Variants in HLA-DQA1 observed in about 807,000 individuals in gnomAD.
HLA-DQA1 encodes major histocompatibility complex, class II, DQ alpha 1.
HLA-DQA1 carries 10 observed loss-of-function variants against 20.7 expected under a neutral mutation model. The ratio of observed to expected loss-of-function variants is 0.48; its 90% CI spans 0.30 to 0.82. HLA-DQA1 has a LOEUF of 0.82. HLA-DQA1 is among the 40% of genes least tolerant of loss of function. The probability of loss-of-function intolerance (pLI) is 0.07; values close to 1 mark genes in which losing one functional copy is unlikely to be tolerated. For missense variants in HLA-DQA1, 127 were observed against 293.0 expected, an observed-to-expected ratio of 0.43 and a Z score of 4.14; for synonymous variants, 39 against 109.2, an observed-to-expected ratio of 0.36 and a Z score of 4.01.
At chr6:32,637,878 G>A (rs9272465) in intron 1 of HLA-DQA1, among the ~76,000 whole-genome samples, 1,634 of 100,360 alleles carry the variant, frequency 0.016, 35 homozygotes, top group Middle Eastern at 0.079. Flanking sequence ...TTTATGAAGT[G>A]TCATTCTCAA....
chr6:32,645,918 A>C (rs955024781), downstream of HLA-DQA1: 6 of 114,768 alleles, frequency 5.2e-5, 3 homozygotes, highest in Non-Finnish European at 1.2e-4. Context: ...ACTGAATGGC[A>C]TAATGACCAG....
In HLA-DQA1 at chr6:32,641,535, A is replaced by G. The variant is rs1129808; in HGVS notation, c.308A>G (p.Tyr103Cys). 10 of 991,810 alleles carry G rather than the reference A, an allele frequency of 1.0e-5. 4 individuals carry two copies. In the African/African-American group the frequency reaches 2.0e-4, roughly 20 times the overall value. 61.4% of individuals were successfully genotyped at this position (991,810 alleles called of 1,614,324 possible). A position where few individuals can be genotyped will look rare whatever the true frequency, so the allele number is the denominator to read the frequency against. ...KHNLNIMIKR[Y>C]NSTAATNEVP... is the part of the protein sequence containing the mutation. Reference sequence around the variant, plus strand: ...AACTTGAACATCATGATTAAACGCTACAACTCTACCGCTGCTACCAATGGT... The same window carrying G: ...AACTTGAACATCATGATTAAACGCTGCAACTCTACCGCTGCTACCAATGGT... The change falls in exon 2 of 5, where the codon TAC becomes TGC. Residue 103 changes from tyrosine to cysteine, a missense_variant. Transcript: ENST00000343139.
chr6:32,641,484 T>C lies in HLA-DQA1; in HGVS notation c.257T>C (p.Leu86Pro), dbSNP rs771830448. The C allele has an allele frequency of 4.0e-6, 4 of 1,002,624 alleles. 1 individual carries two copies. The Admixed American group carries it at 1.6e-4, about 40-fold the overall frequency. The allele number at this position is 1,002,624 out of a possible 1,614,324, so 62.1% of individuals were successfully genotyped here. ...KFGGFDPQGA[L>P]RNMAVAKHNL... ...GGAGGTTTTGACCCGCAGGGTGCAC[T>C]GAGAAACATGGCTGTGGCAAAACAC... Residue 86 changes from leucine (L) to proline (P), a missense_variant, in exon 2 of 5, where the codon CTG (leucine) becomes CCG (proline). Leu to Pro is a moderately conservative substitution (Grantham distance 98). Coordinates refer to ENST00000343139, the MANE Select transcript of HLA-DQA1 (RefSeq NM_002122.5).
intron 2 of HLA-DQA1, 21 bp from the exon 3 acceptor site, chr6:32,641,951 A>G (rs749266030): frequency 4.2e-6 from 6 of 1,437,668 alleles, no homozygotes; most frequent in Non-Finnish European, 3.8e-6. Context: ...ACTTCACACC[A>G]GTGCTGTTTC....
intron 1 of HLA-DQA1, among the ~76,000 whole-genome samples, chr6:32,640,095 A>G (rs28383399): frequency 2.0e-4 from 20 of 98,520 alleles, no homozygotes; most frequent in South Asian, 3.2e-4. Flanking sequence ...TTTCAGGGAG[A>G]AAAACAACAG....
At chr6:32,654,001 A>G in the HLA-DQA1 span, among the ~76,000 whole-genome samples, 18,726 of 80,802 alleles carry the variant, frequency 0.23, 4,402 homozygotes, top group Middle Eastern at 0.35. Flanking sequence ...GGAATGAGAA[A>G]ATGTTGGTCA....
chr6:32,637,430 C>G lies in HLA-DQA1; in HGVS notation c.-29C>G, dbSNP rs3187964. On this transcript the variant is annotated 5_prime_UTR_variant, in exon 1 of 5. Coordinates refer to ENST00000343139, the MANE Select transcript of HLA-DQA1 (RefSeq NM_002122.5). ...CACAATTACTCTACAGCTCAGAACA[C>G]CAACTGCTGAGGCTGCCTTGGGAAG... The G allele has an allele frequency of 0.2, 165,370 of 823,112 alleles. 46,482 individuals carry two copies. Among genetic ancestry groups the G allele is most frequent in the Admixed American group, 0.37 (10,147 of 27,226 alleles). The allele number at this position is 823,112 out of a possible 1,614,324, so 51.0% of individuals were successfully genotyped here. A position where few individuals can be genotyped will look rare whatever the true frequency, so the allele number is the denominator to read the frequency against.
At chr6:32,643,908 A>G (rs2150975173), downstream of HLA-DQA1, 1 of 149,388 alleles carries the variant, frequency 6.7e-6, no homozygotes, top group Non-Finnish European at 1.5e-5. Context: ...AGGAGCCCTG[A>G]ATAGAGGCGC....
downstream of HLA-DQA1, among the ~76,000 whole-genome samples, chr6:32,650,924 C>T (rs1278091049): frequency 3.9e-4 from 30 of 77,728 alleles, 7 homozygotes; most frequent in African/African-American, 1.3e-3. Flanking sequence ...GACAGAGTCT[C>T]GCTTTGTTGC....
At chr6:32,653,134 G>A in the HLA-DQA1 span, among the ~76,000 whole-genome samples, 392 of 123,412 alleles carry the variant, frequency 3.2e-3, 29 homozygotes, top group African/African-American at 9.9e-3. Context: ...TCCCAGCAAT[G>A]AGAGAATAAA....
downstream of HLA-DQA1, among the ~76,000 whole-genome samples, chr6:32,651,588 C>CAAAAAAA (rs70996710): frequency 1.4e-3 from 21 of 15,264 alleles, 1 homozygote; most frequent in South Asian, 9.2e-3. Context: ...CGTCTCAAAG[C>CAAAAAAA]AAAAAAAAAA....
At chr6:32,651,334 C>T (rs1425139648), downstream of HLA-DQA1, among the ~76,000 whole-genome samples, 1 of 79,322 alleles carries the variant, frequency 1.3e-5, no homozygotes, top group Non-Finnish European at 2.8e-5. Flanking sequence ...CCTGTAATCC[C>T]AGCACTTTGG....
downstream of HLA-DQA1, among the ~76,000 whole-genome samples, chr6:32,647,920 T>C (rs1398810537): frequency 2.0e-5 from 3 of 152,136 alleles, no homozygotes; most frequent in African/African-American, 4.8e-5. Flanking sequence ...ATTGTCTTCA[T>C]AGAAATTACA....
chr6:32,642,753 G>A lies in HLA-DQA1; in HGVS notation c.757G>A (p.Gly253Arg), dbSNP rs981568847. The A allele has an allele frequency of 1.7e-6, 2 of 1,158,978 alleles. No homozygotes were observed. The highest frequency in any genetic ancestry group is 2.4e-6 in the Non-Finnish European group (2 of 821,330). 71.8% of individuals were successfully genotyped at this position (1,158,978 alleles called of 1,614,324 possible). A position where few individuals can be genotyped will look rare whatever the true frequency, so the allele number is the denominator to read the frequency against. Residue 253 changes from glycine to arginine, a missense_variant, in exon 4 of 5, where the codon GGG (glycine) becomes AGG (arginine). Coordinates refer to ENST00000343139, the MANE Select transcript of HLA-DQA1 (RefSeq NM_002122.5). ...TTCAGTTGGTGCTTCCAGACACCAA[G>A]GGCCATTGTGAATCCCATCCTGGAA... The part of the protein sequence containing the change: ...LRSVGASRHQ[G>R]PL
chr6:32,643,345 T>C lies in HLA-DQA1; in HGVS notation c.*414T>C, dbSNP rs62404112. 0.13 allele frequency: 37,429 copies of C among 283,692 alleles called. 10,046 individuals carry two copies. Among genetic ancestry groups the C allele is most frequent in the South Asian group, 0.33 (10,932 of 33,324 alleles). 17.6% of individuals were successfully genotyped at this position (283,692 alleles called of 1,614,324 possible). A position where few individuals can be genotyped will look rare whatever the true frequency, so the allele number is the denominator to read the frequency against. The stretch of plus-strand genomic sequence containing the variant: ...GGGGTACTCTTATGTTTCAATCCAA[T>C]TTAACCTCATTTCCCAGATCATTTT... On this transcript the variant is annotated 3_prime_UTR_variant, in exon 5 of 5. Coordinates refer to ENST00000343139, the MANE Select transcript of HLA-DQA1 (RefSeq NM_002122.5).
rs1047993 is a variant in HLA-DQA1 at position 32,637,494 on chromosome 6, C to G, written c.36C>G (p.Leu12=). Reference sequence around the variant, plus strand: ...ACAAAGCTCTGCTGCTGGGGGCCCTCGCTCTGACCACCGTGATGAGCCCCT... The same window carrying G: ...ACAAAGCTCTGCTGCTGGGGGCCCTGGCTCTGACCACCGTGATGAGCCCCT... ...ILNKALLLGA[L]ALTTVMSPCG... Residue 12 remains leucine (L), a synonymous_variant, in exon 1 of 5, where the codon CTC becomes CTG. Coordinates refer to ENST00000343139, the MANE Select transcript of HLA-DQA1 (RefSeq NM_002122.5). The G allele has an allele frequency of 1.6e-5, 18 of 1,137,092 alleles. 4 individuals carry two copies. In the East Asian group the frequency reaches 2.5e-4, roughly 16 times the overall value. The allele number at this position is 1,137,092 out of a possible 1,614,324, so 70.4% of individuals were successfully genotyped here.
chr6:32,641,861 C>G, intron 2 of HLA-DQA1, 111 bp from the exon 3 acceptor site: 1 of 699,800 alleles, frequency 1.4e-6, no homozygotes, highest in South Asian at 1.7e-5. Flanking sequence ...AATAAGACCT[C>G]TTTGACTATC....
At position 32,638,255 on chromosome 6, in the gene HLA-DQA1, C is replaced by G. The variant is rs925788621; in HGVS notation, c.82+715C>G. ...ATAGCTTCACATTTCTTTTCTTTAG[C>G]AAAATAAGGGATCATTTTATTTTAA... On this transcript the variant is annotated intron_variant, in intron 1 of 4. Transcript: ENST00000343139. Among the ~76,000 whole-genome samples the G allele has an allele frequency of 2.6e-5, 3 of 115,060 alleles. 1 individual carries two copies. Among genetic ancestry groups the G allele is most frequent in the Admixed American group, 2.0e-4 (2 of 10,014 alleles). The allele number at this position is 115,060 out of a possible 152,430, so 75.5% of individuals were successfully genotyped here.
chr6:32,648,562 A>C (rs58069912), downstream of HLA-DQA1, among the ~76,000 whole-genome samples: 15,163 of 96,332 alleles, frequency 0.16, 5,724 homozygotes, highest in South Asian at 0.38. Context: ...GCAGAAAAGG[A>C]CTTCGAAAAA....
Sources: allele counts gnomAD v4.1 joint callset (sites outside exome capture counted in the v4.1 genomes callset), GRCh38; gene constraint gnomAD v4.1.1; transcripts MANE v1.5; gene names NCBI Gene and HGNC (gene_info 2026-07-23, HGNC 2026-07-21).